PACRG: variants seen among roughly 807,000 people sequenced by gnomAD.
PACRG encodes parkin coregulated.
In PACRG, 29 loss-of-function variants were observed where a neutral mutation model predicts 29.7. The observed-to-expected ratio is 0.98, with a 90% CI of 0.73 to 1.33. The LOEUF (loss-of-function observed/expected upper bound fraction) is 1.33, where lower values mean the gene tolerates loss of function less well. Among genes scored for constraint, PACRG ranks in the 40% most tolerant of loss-of-function variants. The probability of loss-of-function intolerance (pLI) is 0.00; values close to 1 mark genes in which losing one functional copy is unlikely to be tolerated. For missense variants in PACRG, 279 were observed against 316.2 expected (o/e 0.88, Z 0.89); for synonymous variants, 116 against 118.7 (o/e 0.98, Z 0.15).
chr6:163,292,627 G>T (rs899504658), intron 4 of PACRG, among the ~76,000 whole-genome samples: 2 of 151,248 alleles, frequency 1.3e-5, no homozygotes, highest in African/African-American at 4.9e-5. Context: ...GTTTCACCAT[G>T]TTAACAGGCT....
intron 4 of PACRG, among the ~76,000 whole-genome samples, chr6:163,170,157 A>G (rs1779004153): frequency 6.6e-6 from 1 of 152,166 alleles, no homozygotes; most frequent in African/African-American, 2.4e-5. Context: ...GCCCGTAACC[A>G]GAAAAAGGCA....
chr6:163,211,484 G>A (rs1781137580), intron 4 of PACRG, among the ~76,000 whole-genome samples: 1 of 152,110 alleles, frequency 6.6e-6, no homozygotes, highest in South Asian at 2.1e-4. Context: ...TACACAGGTG[G>A]ACTTGCACCT....
chr6:163,040,984 C>T (rs774974507), intron 2 of PACRG, among the ~76,000 whole-genome samples: 13 of 151,978 alleles, frequency 8.6e-5, no homozygotes, highest in South Asian at 2.1e-4. Context: ...TGGGAGGGGC[C>T]GGGGCAGAAT....
intron 2 of PACRG, among the ~76,000 whole-genome samples, chr6:162,860,995 G>A (rs781504508): frequency 5.3e-5 from 8 of 152,162 alleles, no homozygotes; most frequent in East Asian, 1.9e-4. Flanking sequence ...ATGCAGATAA[G>A]GTGAGGCCTC....
chr6:163,193,973 A>C (rs1038765093), intron 4 of PACRG, among the ~76,000 whole-genome samples: 1 of 149,940 alleles, frequency 6.7e-6, no homozygotes, highest in African/African-American at 2.5e-5. Flanking sequence ...GCTCAGTGCA[A>C]CCTCCACCTC....
At chr6:162,990,493 G>A (rs1803355591) in intron 2 of PACRG, among the ~76,000 whole-genome samples, 1 of 143,180 alleles carries the variant, frequency 7.0e-6, no homozygotes, top group Non-Finnish European at 1.5e-5. Context: ...GGCCAGTGAT[G>A]ATGAGCATTT....
At chr6:162,738,879 T>C (rs1780363277) in intron 1 of PACRG, among the ~76,000 whole-genome samples, 1 of 152,222 alleles carries the variant, frequency 6.6e-6, no homozygotes, top group South Asian at 2.1e-4. Context: ...CAAATTTGTT[T>C]ACCTGCTATG....
chr6:163,100,797 A>G lies in PACRG; in HGVS notation c.613+11389A>G, dbSNP rs537932311. The G allele has an allele frequency of 2.0e-4, 201 of 985,126 alleles. No homozygotes were observed. The African/African-American group carries it at 3.2e-3, about 16-fold the overall frequency. 61.0% of individuals were successfully genotyped at this position (985,126 alleles called of 1,614,324 possible). ...TAAATGGCTCAGAAGAAGCTTAACC[A>G]TCAATAAATGTGGAGTTGAAAAATG... On this transcript the variant is annotated intron_variant, in intron 4 of 4. Transcript: ENST00000366888.
intron 1 of PACRG, among the ~76,000 whole-genome samples, chr6:162,758,274 T>C (rs1782083924): frequency 6.6e-6 from 1 of 152,184 alleles, no homozygotes; most frequent in African/African-American, 2.4e-5. Flanking sequence ...TTTATAGACT[T>C]TACAAGCTCT....
intron 2 of PACRG, among the ~76,000 whole-genome samples, chr6:162,847,928 A>T (rs188488004): frequency 2.6e-3 from 398 of 152,242 alleles, no homozygotes; most frequent in African/African-American, 9.0e-3. Context: ...GCCTGAGCAG[A>T]TTTGCCTTTC....
At chr6:163,085,060 A>C (rs1159732106) in intron 3 of PACRG, among the ~76,000 whole-genome samples, 2 of 151,998 alleles carry the variant, frequency 1.3e-5, no homozygotes, top group Non-Finnish European at 2.9e-5. Context: ...CCTTTTCTGC[A>C]ATTACCACAT....
chr6:162,760,088 A>T lies in PACRG; in HGVS notation c.156+31697A>T, dbSNP rs1782226396. 2.0e-5 allele frequency among the ~76,000 whole-genome samples: 3 copies of T among 152,180 alleles called. No individual in the cohort carries two copies. The South Asian group carries it at 6.2e-4, about 32-fold the overall frequency. On this transcript the variant is annotated intron_variant, in intron 1 of 4. Coordinates refer to ENST00000366888, the MANE Select transcript of PACRG (RefSeq NM_001080379.2). ...TTGAGGCAAAGGAGGGAGGCTTGGT[A>T]CACGAGAGCTCTTCTTGCAGCAGTC...
At chr6:162,807,931 T>C (rs1047175308) in intron 1 of PACRG, among the ~76,000 whole-genome samples, 1 of 152,228 alleles carries the variant, frequency 6.6e-6, no homozygotes, top group Non-Finnish European at 1.5e-5. Flanking sequence ...ATGATCATAA[T>C]ATATTGTTAA....
At chr6:163,019,609 T>C (rs191749143) in intron 2 of PACRG, among the ~76,000 whole-genome samples, 1 of 152,280 alleles carries the variant, frequency 6.6e-6, no homozygotes, top group African/African-American at 2.4e-5. Flanking sequence ...CATTCTGGAA[T>C]CAGGAGATGG....
chr6:162,969,867 C>G (rs1801379668), intron 2 of PACRG, among the ~76,000 whole-genome samples: 1 of 152,170 alleles, frequency 6.6e-6, no homozygotes, highest in South Asian at 2.1e-4. Flanking sequence ...GAAAGTATCT[C>G]CTTTCATGCA....
At chr6:162,997,484 G>A (rs1325654706) in intron 2 of PACRG, 6 of 448,764 alleles carry the variant, frequency 1.3e-5, no homozygotes, top group Non-Finnish European at 1.8e-5. Flanking sequence ...AGACGGCAGC[G>A]AATCATGTCT....
chr6:162,813,329 G>A (rs748096420), intron 1 of PACRG, among the ~76,000 whole-genome samples: 10 of 151,854 alleles, frequency 6.6e-5, no homozygotes, highest in East Asian at 5.8e-4. Context: ...AAAAATAATC[G>A]TGTTTAGACT....
chr6:162,854,195 G>GTT (rs1329844258), intron 2 of PACRG, among the ~76,000 whole-genome samples: 1 of 137,944 alleles, frequency 7.2e-6, no homozygotes, highest in Non-Finnish European at 1.6e-5. Context: ...GAATGATTTT[G>GTT]TTTTATTCAT....
intron 2 of PACRG, among the ~76,000 whole-genome samples, chr6:162,958,922 G>A (rs1339838993): frequency 1.7e-5 from 2 of 118,016 alleles, no homozygotes; most frequent in East Asian, 4.6e-4. Flanking sequence ...GAGAGAGAGA[G>A]AGAGAGAGAG....
Sources: allele counts gnomAD v4.1 joint callset (sites outside exome capture counted in the v4.1 genomes callset), GRCh38; gene constraint gnomAD v4.1.1; transcripts MANE v1.5; gene names NCBI Gene and HGNC (gene_info 2026-07-23, HGNC 2026-07-21).